Variants in PDE10A observed in about 807,000 individuals in gnomAD.
The protein encoded by PDE10A is phosphodiesterase 10A.
PDE10A carries 39 observed loss-of-function variants against 97.7 expected under a neutral mutation model. That is an observed-to-expected ratio of 0.40 (90% CI 0.31 to 0.52). The LOEUF (loss-of-function observed/expected upper bound fraction) is 0.52, where lower values mean the gene tolerates loss of function less well. PDE10A is among the 20% of genes least tolerant of loss of function. PDE10A has a pLI of 0.56. For synonymous variants in PDE10A, 371 were observed against 376.8 expected, an observed-to-expected ratio of 0.98 and a Z score of 0.18; for missense variants, 731 against 1,047.8, an observed-to-expected ratio of 0.70 and a Z score of 4.17.
At position 165,654,762 on chromosome 6, in the gene PDE10A, C is replaced by T. The variant is rs140410090; in HGVS notation, c.865+7185G>A. 2.2e-4 allele frequency among the ~76,000 whole-genome samples: 34 copies of T among 152,290 alleles called. 1 individual carries two copies. The East Asian group carries it at 3.5e-3, about 16-fold the overall frequency. On this transcript the variant is annotated intron_variant, in intron 1 of 21. Transcript: ENST00000539869. ...TCAGGTATTATCCATGCCACTCCAC[C>T]GCAATCTCCCGACCGAGGCCACGGA... is the stretch of plus-strand genomic sequence containing the variant.
chr6:165,490,997 C>A (rs916162592), intron 2 of PDE10A, among the ~76,000 whole-genome samples: 2 of 152,066 alleles, frequency 1.3e-5, no homozygotes, highest in Admixed American at 6.6e-5. Flanking sequence ...TATCTGCTCT[C>A]TTCAAGAGAC....
At chr6:165,859,794 T>C (rs943350716) in intron 1 of PDE10A, among the ~76,000 whole-genome samples, 4 of 152,208 alleles carry the variant, frequency 2.6e-5, no homozygotes, top group Non-Finnish European at 5.9e-5. Flanking sequence ...TCACAGTTTC[T>C]TTATGCACTG....
At chr6:165,745,000 C>A (rs1792813449) in intron 1 of PDE10A, among the ~76,000 whole-genome samples, 1 of 152,312 alleles carries the variant, frequency 6.6e-6, no homozygotes, top group East Asian at 1.9e-4. Context: ...TATTTCCTTG[C>A]AACCTCTCTA....
intron 1 of PDE10A, among the ~76,000 whole-genome samples, chr6:165,645,852 T>TAAAAAAAAAAAA (rs1789367718): frequency 3.5e-5 from 1 of 28,240 alleles, no homozygotes; most frequent in Non-Finnish European, 8.7e-5. Context: ...AGACTCCATC[T>TAAAAAAAAAAAA]CAAAAAAAAA....
At chr6:165,824,768 G>T (rs1264252259) in intron 1 of PDE10A, among the ~76,000 whole-genome samples, 1 of 151,264 alleles carries the variant, frequency 6.6e-6, no homozygotes, top group Non-Finnish European at 1.5e-5. Context: ...ATTTCTTATG[G>T]AAAAAAAAGC....
At chr6:165,401,260 CAA>C (rs1169401013) in intron 13 of PDE10A, among the ~76,000 whole-genome samples, 1 of 152,002 alleles carries the variant, frequency 6.6e-6, no homozygotes. Flanking sequence ...TAAATTTCAG[CAA>C]AAAAGTCACG....
At chr6:165,581,450 A>C (rs1785613063) in intron 1 of PDE10A, among the ~76,000 whole-genome samples, 1 of 152,204 alleles carries the variant, frequency 6.6e-6, no homozygotes, top group Non-Finnish European at 1.5e-5. Flanking sequence ...TTATCTCTCA[A>C]AACATTTCTC....
chr6:165,440,279 A>AAG (rs1295095506), intron 5 of PDE10A, among the ~76,000 whole-genome samples: 2 of 152,142 alleles, frequency 1.3e-5, no homozygotes, highest in Non-Finnish European at 2.9e-5. Context: ...AATTACTATA[A>AAG]ACTACCAGCT....
At chr6:165,878,140 T>C (rs1781392054) in intron 1 of PDE10A, among the ~76,000 whole-genome samples, 1 of 152,188 alleles carries the variant, frequency 6.6e-6, no homozygotes, top group Non-Finnish European at 1.5e-5. Context: ...GAGACACCAA[T>C]GCCCTGTTTA....
intron 1 of PDE10A, among the ~76,000 whole-genome samples, chr6:165,741,013 C>T: frequency 6.6e-6 from 1 of 151,894 alleles, no homozygotes; most frequent in East Asian, 1.9e-4. Flanking sequence ...ATTGGTATTA[C>T]TATTAATGGA....
At chr6:165,369,136 G>A (rs1275633880) in intron 18 of PDE10A, among the ~76,000 whole-genome samples, 5 of 152,052 alleles carry the variant, frequency 3.3e-5, no homozygotes, top group Non-Finnish European at 7.4e-5. Flanking sequence ...GGAAAAAACA[G>A]AGCAGAAAAA....
chr6:165,436,804 C>T (rs1376221615), intron 5 of PDE10A, among the ~76,000 whole-genome samples: 2 of 152,140 alleles, frequency 1.3e-5, no homozygotes, highest in Admixed American at 6.5e-5. Flanking sequence ...CACCAACATA[C>T]ACATGGCATA....
chr6:165,409,951 T>C (rs1787610399), intron 13 of PDE10A, among the ~76,000 whole-genome samples: 1 of 149,512 alleles, frequency 6.7e-6, no homozygotes, highest in African/African-American at 2.5e-5. Flanking sequence ...GATACCACAA[T>C]TAGTGACTTA....
chr6:165,586,857 T>C (rs1305279616), intron 1 of PDE10A, among the ~76,000 whole-genome samples: 2 of 152,192 alleles, frequency 1.3e-5, no homozygotes, highest in African/African-American at 4.8e-5. Context: ...CTTTCTTATA[T>C]AACTCTTTTA....
At chr6:165,384,126 G>T (rs951975411) in intron 17 of PDE10A, among the ~76,000 whole-genome samples, 3 of 152,144 alleles carry the variant, frequency 2.0e-5, no homozygotes, top group African/African-American at 7.2e-5. Flanking sequence ...AACATATTCA[G>T]ACATATACTT....
rs773267300 is a variant in PDE10A, at chr6:165,711,202, A to T, written c.-614-167634T>A. Among the ~76,000 whole-genome samples, 5 of 152,170 alleles carry T rather than the reference A, an allele frequency of 3.3e-5. No homozygotes were observed. The highest frequency in any genetic ancestry group is 7.3e-5 in the Non-Finnish European group (5 of 68,034). On this transcript the variant is annotated intron_variant, in intron 1 of 19. Transcript: ENST00000366882. This position sits in a 1 kb window ranked among gnomAD's most constrained non-coding sequence, Gnocchi z 4.5. ...ACGTTAGCAGTAAGTTCTACTAAAT[A>T]CACCGTTAGAGTTGGGAGCAGGGCT...
At position 165,551,892 on chromosome 6, in the gene PDE10A, G is replaced by A. The variant is rs73250038; in HGVS notation, c.866-8324C>T. Among the ~76,000 whole-genome samples the A allele has an allele frequency of 5.1e-3, 772 of 152,296 alleles. 8 individuals are homozygous for A. Among genetic ancestry groups the A allele is most frequent in the African/African-American group, 0.018 (742 of 41,556 alleles). Reference sequence around the variant, plus strand: ...CGGAAAATAAGTCTAACTGGAGGATGGAAAGGGAGCAGTCAGTAGCAATGA... The same window carrying A: ...CGGAAAATAAGTCTAACTGGAGGATAGAAAGGGAGCAGTCAGTAGCAATGA... On this transcript the variant is annotated intron_variant, in intron 1 of 21. Coordinates refer to ENST00000539869, the MANE Select transcript of PDE10A (RefSeq NM_001385079.1).
At chr6:165,750,414 T>C (rs1792970217) in intron 1 of PDE10A, among the ~76,000 whole-genome samples, 1 of 152,170 alleles carries the variant, frequency 6.6e-6, no homozygotes, top group Non-Finnish European at 1.5e-5. Context: ...AGTTCCTGGG[T>C]ACCTGGCCCC....
chr6:165,534,764 C>T (rs147806874), intron 2 of PDE10A, among the ~76,000 whole-genome samples: 36 of 152,068 alleles, frequency 2.4e-4, no homozygotes, highest in African/African-American at 7.9e-4. Flanking sequence ...ATGATAAAAA[C>T]GCTCAGCAAA....
Sources: gnomAD v4.1 joint callset for allele counts (sites outside exome capture counted in the v4.1 genomes callset) on GRCh38, gnomAD v4.1.1 for gene constraint, Gnocchi (gnomAD v3.1) non-coding constraint, MANE v1.5 for transcripts, NCBI Gene and HGNC (gene_info 2026-07-23, HGNC 2026-07-21) for gene names.